Variants in XNDC1N observed in about 807,000 individuals in gnomAD.
The protein encoded by XNDC1N is XRCC1 N-terminal domain containing 1, N-terminal like, also known as protein XNDC1N.
the XNDC1N span, among the ~76,000 whole-genome samples, chr11:71,905,602 G>A: frequency 6.7e-4 from 102 of 152,042 alleles, no homozygotes; most frequent in African/African-American, 2.1e-3. Flanking sequence ...ATATTGGAAG[G>A]AATATCTCCC....
At chr11:71,927,435 C>T in the XNDC1N span, 1 of 151,972 alleles carries the variant, frequency 6.6e-6, no homozygotes, top group Non-Finnish European at 1.5e-5. Context: ...ACATGAGAAT[C>T]GTTTGAACCC....
chr11:71,873,754 G>C, the XNDC1N span, among the ~76,000 whole-genome samples: 1 of 152,162 alleles, frequency 6.6e-6, no homozygotes, highest in Admixed American at 6.5e-5. Flanking sequence ...GAAATATTCA[G>C]CAACCAAATC....
the XNDC1N span, among the ~76,000 whole-genome samples, chr11:71,894,629 C>T: frequency 6.6e-6 from 1 of 152,204 alleles, no homozygotes; most frequent in Admixed American, 6.5e-5. Flanking sequence ...ATCCTCTATA[C>T]CTAGGCGGCC....
chr11:71,893,700 G>T, the XNDC1N span: 8 of 1,325,030 alleles, frequency 6.0e-6, no homozygotes, highest in Admixed American at 2.0e-5. Flanking sequence ...CCTCGGCCAC[G>T]GTTCCCAATA....
At chr11:71,898,259 G>T in the XNDC1N span, among the ~76,000 whole-genome samples, 5 of 151,624 alleles carry the variant, frequency 3.3e-5, no homozygotes, top group Non-Finnish European at 7.4e-5. Flanking sequence ...GACGCAGGCC[G>T]CAACATGGAT....
At chr11:71,882,067 C>T in the XNDC1N span, among the ~76,000 whole-genome samples, 2 of 150,836 alleles carry the variant, frequency 1.3e-5, no homozygotes, top group Non-Finnish European at 2.9e-5. Flanking sequence ...ATTGAAACTG[C>T]CAAAAATCAA....
the XNDC1N span, among the ~76,000 whole-genome samples, chr11:71,912,687 C>T: frequency 2.0e-5 from 3 of 152,128 alleles, no homozygotes; most frequent in Non-Finnish European, 4.4e-5. Flanking sequence ...GGGGGATGAA[C>T]ACCCCCTTTC....
At chr11:71,924,431 C>A in the XNDC1N span, among the ~76,000 whole-genome samples, 1 of 152,088 alleles carries the variant, frequency 6.6e-6, no homozygotes, top group Non-Finnish European at 1.5e-5. Flanking sequence ...GTAATCCCAG[C>A]ACTTTGGGAG....
At chr11:71,890,593 T>G in the XNDC1N span, among the ~76,000 whole-genome samples, 1 of 152,114 alleles carries the variant, frequency 6.6e-6, no homozygotes, top group Admixed American at 6.5e-5. Flanking sequence ...GGTGCCATAT[T>G]TCAGGTGGGG....
the XNDC1N span, chr11:71,893,316 G>A: frequency 3.8e-6 from 2 of 530,536 alleles, no homozygotes; most frequent in East Asian, 6.8e-5. Context: ...GAGATTTTTG[G>A]AATTGTCACA....
the XNDC1N span, among the ~76,000 whole-genome samples, chr11:71,888,437 A>T: frequency 6.6e-6 from 1 of 152,164 alleles, no homozygotes; most frequent in Non-Finnish European, 1.5e-5. Flanking sequence ...TGGAATGCGG[A>T]TGCCAACAAC....
the XNDC1N span, among the ~76,000 whole-genome samples, chr11:71,898,280 G>A: frequency 6.6e-6 from 1 of 150,984 alleles, no homozygotes; most frequent in Non-Finnish European, 1.5e-5. Context: ...GAACCTTGAA[G>A]ACATTATCGT....
the XNDC1N span, among the ~76,000 whole-genome samples, chr11:71,876,405 G>A: frequency 3.7e-3 from 561 of 152,164 alleles, 4 homozygotes; most frequent in African/African-American, 0.013. Flanking sequence ...ATCTTTTGAT[G>A]TTCATCTGGT....
the XNDC1N span, among the ~76,000 whole-genome samples, chr11:71,877,724 T>G: frequency 6.6e-6 from 1 of 152,238 alleles, no homozygotes; most frequent in African/African-American, 2.4e-5. Flanking sequence ...GGTGTTTATG[T>G]TCATTTCCTT....
At chr11:71,919,819 G>A in the XNDC1N span, among the ~76,000 whole-genome samples, 15 of 147,966 alleles carry the variant, frequency 1.0e-4, no homozygotes, top group South Asian at 1.3e-3. Flanking sequence ...GGGTTTCACC[G>A]TGTTAGCCAG....
chr11:71,897,124 G>C, the XNDC1N span, among the ~76,000 whole-genome samples: 1 of 152,070 alleles, frequency 6.6e-6, no homozygotes, highest in Non-Finnish European at 1.5e-5. Context: ...AGTATGACAC[G>C]CCTAAAAGAA....
chr11:71,902,798 A>G, the XNDC1N span, among the ~76,000 whole-genome samples: 1 of 152,222 alleles, frequency 6.6e-6, no homozygotes, highest in African/African-American at 2.4e-5. Flanking sequence ...TGAGTTCTTA[A>G]TTTCCTTTAA....
At chr11:71,896,260 C>A in the XNDC1N span, among the ~76,000 whole-genome samples, 1 of 152,118 alleles carries the variant, frequency 6.6e-6, no homozygotes, top group Non-Finnish European at 1.5e-5. Flanking sequence ...ACCTGGGCAA[C>A]AGAAAGAGAC....
the XNDC1N span, among the ~76,000 whole-genome samples, chr11:71,868,900 C>T: frequency 3.9e-5 from 6 of 152,252 alleles, no homozygotes; most frequent in East Asian, 1.2e-3. Context: ...CTCTCCTGCT[C>T]TTTCAGGGAT....
Sources: allele counts gnomAD v4.1 joint callset (sites outside exome capture counted in the v4.1 genomes callset), GRCh38; gene constraint gnomAD v4.1.1; transcripts MANE v1.5; gene names NCBI Gene and HGNC (gene_info 2026-07-23, HGNC 2026-07-21).